TMED3: variants seen among roughly 807,000 people sequenced by gnomAD.
TMED3 encodes the protein transmembrane emp24 domain-containing protein 3.
A neutral mutation model predicts 15.0 loss-of-function variants in TMED3; 9 were observed. The ratio of observed to expected loss-of-function variants is 0.60; its 90% confidence interval spans 0.36 to 1.04. The LOEUF is 1.04. Among genes scored for constraint, TMED3 ranks in the 50% least tolerant of loss-of-function variants. TMED3 has a pLI of 0.01. For missense variants in TMED3, 267 were observed against 278.9 expected (o/e 0.96, Z 0.30); for synonymous variants, 117 against 121.4 (o/e 0.96, Z 0.24).
intron 2 of TMED3, among the ~76,000 whole-genome samples, chr15:79,353,763 TA>T (rs11414218): frequency 4.6e-5 from 7 of 151,852 alleles, no homozygotes; most frequent in Non-Finnish European, 7.4e-5. Context: ...ATTGTGTTAT[TA>T]AAAAAAACCT....
chr15:79,311,688 T>G lies in TMED3; in HGVS notation c.168+271T>G, dbSNP rs143985931. On this transcript the variant is annotated intron_variant, in intron 1 of 2. Coordinates refer to ENST00000299705, the MANE Select transcript of TMED3 (RefSeq NM_007364.4). ...GGACGCCAGGGCGGATCCCGCAGCC[T>G]GGGGAGCTGGCCAAAGAGATATCCG... Among the ~76,000 whole-genome samples, 745 of 152,088 alleles carry G rather than the reference T, an allele frequency of 4.9e-3. 9 individuals are homozygous for G. The highest frequency in any genetic ancestry group is 0.017 in the African/African-American group (723 of 41,510).
intron 2 of TMED3, among the ~76,000 whole-genome samples, chr15:79,363,972 A>G (rs1893181016): frequency 6.6e-6 from 1 of 152,232 alleles, no homozygotes; most frequent in South Asian, 2.1e-4. Flanking sequence ...AGCCAAAGGC[A>G]TAAATCAATA....
intron 2 of TMED3, among the ~76,000 whole-genome samples, chr15:79,332,459 C>T (rs1277959999): frequency 6.6e-6 from 1 of 152,216 alleles, no homozygotes; most frequent in Non-Finnish European, 1.5e-5. Flanking sequence ...AATTGGGGCA[C>T]ATTCAAGCTA....
chr15:79,315,439 A>G (rs2058736502), intron 2 of TMED3, among the ~76,000 whole-genome samples: 1 of 152,134 alleles, frequency 6.6e-6, no homozygotes, highest in African/African-American at 2.4e-5. Context: ...TATTGTGTGT[A>G]AGATCTTTTG....
chr15:79,365,706 C>T (rs1893218382), intron 2 of TMED3, among the ~76,000 whole-genome samples: 1 of 152,174 alleles, frequency 6.6e-6, no homozygotes, highest in Admixed American at 6.5e-5. Flanking sequence ...AGATATTTAA[C>T]CTTTTATCTG....
intron 2 of TMED3, among the ~76,000 whole-genome samples, chr15:79,401,924 A>AAG (rs1215101544): frequency 6.6e-6 from 1 of 152,094 alleles, no homozygotes; most frequent in African/African-American, 2.4e-5. Context: ...ATTCTTCATG[A>AAG]AGAGTATCCT....
At chr15:79,404,478 A>G (rs1271743777) in intron 2 of TMED3, among the ~76,000 whole-genome samples, 1 of 152,242 alleles carries the variant, frequency 6.6e-6, no homozygotes, top group Non-Finnish European at 1.5e-5. Flanking sequence ...CGAAATATCT[A>G]GAGAGAAGCT....
chr15:79,329,104 A>C (rs1254535170), intron 2 of TMED3, among the ~76,000 whole-genome samples: 1 of 152,236 alleles, frequency 6.6e-6, no homozygotes, highest in East Asian at 1.9e-4. Flanking sequence ...CTGAGAGTTT[A>C]AAGTGAACTT....
At chr15:79,411,086 G>A (rs1248772784) in intron 2 of TMED3, among the ~76,000 whole-genome samples, 3 of 152,108 alleles carry the variant, frequency 2.0e-5, no homozygotes, top group Non-Finnish European at 4.4e-5. Context: ...AATCACTTAA[G>A]GTATGCGGGA....
At chr15:79,400,267 T>A (rs1893816538) in intron 2 of TMED3, among the ~76,000 whole-genome samples, 1 of 152,202 alleles carries the variant, frequency 6.6e-6, no homozygotes, top group Non-Finnish European at 1.5e-5. Flanking sequence ...TTATCCCTTA[T>A]CCAAATCAGT....
intron 2 of TMED3, among the ~76,000 whole-genome samples, chr15:79,385,369 A>C (rs1383131262): frequency 6.6e-6 from 1 of 152,170 alleles, no homozygotes; most frequent in East Asian, 1.9e-4. Flanking sequence ...TGTGGGTCCC[A>C]CTTCCACAGC....
intron 2 of TMED3, among the ~76,000 whole-genome samples, chr15:79,334,385 T>G (rs934121506): frequency 6.6e-6 from 1 of 152,166 alleles, no homozygotes; most frequent in Non-Finnish European, 1.5e-5. Context: ...TGGCAGCATC[T>G]AGGGGCCATG....
At chr15:79,378,888 A>G (rs1388533973) in intron 2 of TMED3, among the ~76,000 whole-genome samples, 1 of 152,190 alleles carries the variant, frequency 6.6e-6, no homozygotes, top group African/African-American at 2.4e-5. Flanking sequence ...GGGAATAGAA[A>G]TTATGTTTTA....
At chr15:79,354,489 T>C (rs910029124) in intron 2 of TMED3, among the ~76,000 whole-genome samples, 12 of 152,296 alleles carry the variant, frequency 7.9e-5, no homozygotes, top group Admixed American at 6.5e-4. Flanking sequence ...GTGCAGATCA[T>C]GTAGTCTTCT....
chr15:79,326,797 AAG>A (rs2058789054), downstream of TMED3, among the ~76,000 whole-genome samples: 1 of 152,190 alleles, frequency 6.6e-6, no homozygotes, highest in Non-Finnish European at 1.5e-5. Flanking sequence ...GCTCTTATAA[AAG>A]AGGCCTGAGG....
chr15:79,366,327 C>T (rs2141243157), intron 2 of TMED3, among the ~76,000 whole-genome samples: 1 of 152,338 alleles, frequency 6.6e-6, no homozygotes, highest in South Asian at 2.1e-4. Context: ...GCCCATTGCT[C>T]TCTTGCAACA....
At chr15:79,368,083 G>A (rs1055988035) in intron 2 of TMED3, among the ~76,000 whole-genome samples, 6 of 152,158 alleles carry the variant, frequency 3.9e-5, no homozygotes, top group Non-Finnish European at 5.9e-5. Flanking sequence ...ACTCAGGGAC[G>A]TATGTTAGGA....
At chr15:79,406,268 T>G (rs953485885) in intron 2 of TMED3, among the ~76,000 whole-genome samples, 2 of 152,208 alleles carry the variant, frequency 1.3e-5, no homozygotes, top group Non-Finnish European at 2.9e-5. Flanking sequence ...CCACTCACCC[T>G]TTGTGCTTTA....
intron 2 of TMED3, among the ~76,000 whole-genome samples, chr15:79,386,434 C>A (rs1387838572): frequency 2.6e-5 from 4 of 152,176 alleles, no homozygotes; most frequent in Non-Finnish European, 2.9e-5. Context: ...TTATATGCTA[C>A]ATTGTTCCTC....
Sources: gnomAD v4.1 joint callset for allele counts (sites outside exome capture counted in the v4.1 genomes callset) on GRCh38, gnomAD v4.1.1 for gene constraint, MANE v1.5 for transcripts, NCBI Gene and HGNC (gene_info 2026-07-23, HGNC 2026-07-21) for gene names.